STX18: variants seen among roughly 807,000 people sequenced by gnomAD.
The protein encoded by STX18 is syntaxin-18.
Under a neutral mutation model 50.1 loss-of-function variants are expected in STX18, and 40 were observed. The ratio of observed to expected loss-of-function variants is 0.80; its 90% CI spans 0.62 to 1.04. The LOEUF is 1.04. Ranked by LOEUF, STX18 falls within the 50% of genes least tolerant of loss-of-function variation. The pLI is 0.00. For synonymous variants in STX18, 158 were observed against 151.8 expected, an observed-to-expected ratio of 1.04 and a Z score of -0.30; for missense variants, 410 against 415.8, an observed-to-expected ratio of 0.99 and a Z score of 0.12.
chr4:4,483,943 C>T (rs573763538), intron 1 of STX18, among the ~76,000 whole-genome samples: 1 of 152,082 alleles, frequency 6.6e-6, no homozygotes, highest in South Asian at 2.1e-4. Flanking sequence ...CTCACTGCAA[C>T]CTCCACCTCC....
At chr4:4,509,505 A>C (rs994659633) in intron 1 of STX18, among the ~76,000 whole-genome samples, 1 of 152,088 alleles carries the variant, frequency 6.6e-6, no homozygotes, top group Non-Finnish European at 1.5e-5. Flanking sequence ...CATTCTTGTG[A>C]CAAAAAGGCT....
intron 5 of STX18, among the ~76,000 whole-genome samples, chr4:4,447,721 CA>C (rs1386484633): frequency 1.4e-5 from 2 of 145,848 alleles, no homozygotes; most frequent in African/African-American, 2.5e-5. Flanking sequence ...AGTAAGAGCT[CA>C]AAAAATTAGC....
chr4:4,476,196 A>G (rs1241946953), intron 1 of STX18: 3 of 152,246 alleles, frequency 2.0e-5, no homozygotes, highest in Non-Finnish European at 2.9e-5. Flanking sequence ...TTACACCGCC[A>G]TATTAAATAT....
At chr4:4,495,329 AATG>A (rs1245524907) in intron 1 of STX18, among the ~76,000 whole-genome samples, 3 of 152,138 alleles carry the variant, frequency 2.0e-5, no homozygotes, top group Non-Finnish European at 2.9e-5. Flanking sequence ...TTCTCTTACA[AATG>A]ATGGGGACGC....
At chr4:4,506,040 A>G (rs964838147) in intron 1 of STX18, among the ~76,000 whole-genome samples, 1 of 152,190 alleles carries the variant, frequency 6.6e-6, no homozygotes, top group Non-Finnish European at 1.5e-5. Flanking sequence ...TTGTATGGAT[A>G]TACATTTTAT....
Position 4,420,138 on chromosome 4 carries a change from G to A in STX18, c.913-9C>T, listed in dbSNP as rs1220792157. 7 of 1,604,370 alleles carry A rather than the reference G, an allele frequency of 4.4e-6. 1 individual carries two copies. The highest frequency in any genetic ancestry group is 5.1e-6 in the Non-Finnish European group (6 of 1,175,660). The stretch of plus-strand genomic sequence containing the variant: ...GCGTTGTTTTTAATGGCCTGGGCAG[G>A]GACGGGAGCACAGGTGTTTTTATCA... On this transcript the variant is annotated splice_polypyrimidine_tract_variant and intron_variant, in intron 10 of 10. Transcript: ENST00000306200. This position sits in a 1 kb window ranked among gnomAD's most constrained non-coding sequence, Gnocchi z 4.3.
chr4:4,512,167 T>C (rs898768926), intron 1 of STX18, among the ~76,000 whole-genome samples: 1 of 152,102 alleles, frequency 6.6e-6, no homozygotes, highest in Non-Finnish European at 1.5e-5. Context: ...AAACCAGATA[T>C]TTAAAACTCC....
intron 1 of STX18, among the ~76,000 whole-genome samples, chr4:4,498,351 AAAT>A (rs1729281115): frequency 6.6e-6 from 1 of 152,178 alleles, no homozygotes; most frequent in Admixed American, 6.5e-5. Flanking sequence ...ATACCCCCCA[AAAT>A]AATATTACTG....
chr4:4,485,123 C>T (rs938688049), intron 1 of STX18, among the ~76,000 whole-genome samples: 2 of 152,198 alleles, frequency 1.3e-5, no homozygotes, highest in African/African-American at 4.8e-5. Context: ...CAGATCCCAG[C>T]TCTGCCACTT....
chr4:4,507,512 C>T, intron 1 of STX18: 3 of 768,348 alleles, frequency 3.9e-6, no homozygotes, highest in Non-Finnish European at 7.3e-6. Context: ...CTGCCTAAGC[C>T]AATTCGAAAA....
intron 2 of STX18, among the ~76,000 whole-genome samples, chr4:4,463,389 T>C (rs529888185): frequency 1.3e-5 from 2 of 152,228 alleles, no homozygotes; most frequent in Non-Finnish European, 2.9e-5. Flanking sequence ...CATTAAAATA[T>C]GTAACTACAT....
chr4:4,515,591 C>T (rs1730215680), intron 1 of STX18, among the ~76,000 whole-genome samples: 2 of 151,800 alleles, frequency 1.3e-5, no homozygotes, highest in Admixed American at 1.3e-4. Flanking sequence ...TTAGTAAATG[C>T]AATAAAAATG....
chr4:4,503,542 AAC>A (rs1384623326), intron 1 of STX18, among the ~76,000 whole-genome samples: 1 of 152,176 alleles, frequency 6.6e-6, no homozygotes, highest in African/African-American at 2.4e-5. Context: ...TGTCGCACAG[AAC>A]TATGATAAAA....
intron 1 of STX18, among the ~76,000 whole-genome samples, chr4:4,486,482 C>T (rs1020112811): frequency 3.9e-5 from 6 of 152,140 alleles, no homozygotes; most frequent in African/African-American, 7.2e-5. Context: ...AAATGATCAC[C>T]GCAAACACTA....
At chr4:4,529,340 C>T (rs963141323) in intron 1 of STX18, among the ~76,000 whole-genome samples, 11 of 152,060 alleles carry the variant, frequency 7.2e-5, no homozygotes, top group South Asian at 4.2e-4. Context: ...CCAGCCTGGG[C>T]GAGACTCCGT....
At chr4:4,481,422 G>A (rs1728455353) in intron 1 of STX18, among the ~76,000 whole-genome samples, 1 of 152,148 alleles carries the variant, frequency 6.6e-6, no homozygotes, top group Non-Finnish European at 1.5e-5. Context: ...GACTCCAGTA[G>A]GTCCCTCTGG....
At chr4:4,421,741 C>T (rs1271817416) in intron 9 of STX18, among the ~76,000 whole-genome samples, 2 of 152,144 alleles carry the variant, frequency 1.3e-5, no homozygotes, top group Non-Finnish European at 1.5e-5. Context: ...GTATGTGCTT[C>T]GAAATACATA....
chr4:4,456,828 G>T (rs566022447), intron 5 of STX18, among the ~76,000 whole-genome samples: 1 of 152,180 alleles, frequency 6.6e-6, no homozygotes, highest in Admixed American at 6.5e-5. Flanking sequence ...CAGCCTCATC[G>T]GGTTAAGAGA....
At chr4:4,447,413 C>A (rs1051195633) in intron 5 of STX18, among the ~76,000 whole-genome samples, 1 of 151,422 alleles carries the variant, frequency 6.6e-6, no homozygotes, top group Non-Finnish European at 1.5e-5. Flanking sequence ...CACGGTGAAA[C>A]CCCGTCTCTA....
Sources: gnomAD v4.1 joint callset for allele counts (sites outside exome capture counted in the v4.1 genomes callset) on GRCh38, gnomAD v4.1.1 for gene constraint, Gnocchi (gnomAD v3.1) non-coding constraint, MANE v1.5 for transcripts, NCBI Gene and HGNC (gene_info 2026-07-23, HGNC 2026-07-21) for gene names.